Variants in MYLK observed in about 807,000 individuals in gnomAD.
The protein encoded by MYLK is myosin light chain kinase, smooth muscle.
In MYLK, 106 loss-of-function variants were observed where a neutral mutation model predicts 203.4. That is an observed-to-expected ratio of 0.52 (90% CI 0.45 to 0.61). MYLK has a LOEUF of 0.61. MYLK is among the 20% of genes least tolerant of loss of function. The probability of loss-of-function intolerance (pLI) is 0.00; values close to 1 mark genes in which losing one functional copy is unlikely to be tolerated. For synonymous variants in MYLK, 867 were observed against 959.5 expected (o/e 0.90, Z 1.78); for missense variants, 2,072 against 2,442.3 (o/e 0.85, Z 3.20).
At chr3:123,857,954 C>T (rs1429215835) in intron 2 of MYLK, among the ~76,000 whole-genome samples, 1 of 152,164 alleles carries the variant, frequency 6.6e-6, no homozygotes, top group South Asian at 2.1e-4. Flanking sequence ...CACTTCAACC[C>T]TCCCACTTGC....
chr3:123,622,035 G>A (rs1314272834), intron 31 of MYLK: 2 of 152,082 alleles, frequency 1.3e-5, no homozygotes, highest in South Asian at 4.1e-4. Flanking sequence ...TAGACAAAGT[G>A]TAGAGAGAGA....
rs1454474678 is a variant in MYLK, at chr3:123,637,357, C to T, written c.4961+714G>A. 8.5e-5 allele frequency among the ~76,000 whole-genome samples: 13 copies of T among 152,212 alleles called. No homozygotes were observed. In the South Asian group the frequency reaches 1.0e-3, roughly 12 times the overall value. ...TAGAGCCTGTTAGAAATGTGGCATT[C>T]CAGGTCACCCAGACCTGAACAAAAA... is the stretch of plus-strand genomic sequence containing the variant. On this transcript the variant is annotated intron_variant, in intron 29 of 33. Transcript: ENST00000360304.
intron 2 of MYLK, among the ~76,000 whole-genome samples, chr3:123,860,932 C>T (rs1359980320): frequency 1.3e-5 from 2 of 152,048 alleles, no homozygotes; most frequent in Non-Finnish European, 2.9e-5. Context: ...AGATTGAGAC[C>T]ATCCTGGCTA....
At chr3:123,753,786 G>T (rs980034618) in intron 4 of MYLK, among the ~76,000 whole-genome samples, 5 of 152,202 alleles carry the variant, frequency 3.3e-5, no homozygotes, top group Non-Finnish European at 7.3e-5. Context: ...GCACTGGAAA[G>T]TAGAAGGCAT....
intron 15 of MYLK, 138 bp from the exon 16 acceptor site, chr3:123,708,141 A>C (rs1351093523): frequency 8.1e-7 from 1 of 1,236,238 alleles, no homozygotes; most frequent in African/African-American, 1.5e-5. Context: ...CTGTGATTGG[A>C]TACACAAATG....
chr3:123,651,567 G>A (rs1356120594), intron 24 of MYLK, among the ~76,000 whole-genome samples: 3 of 152,052 alleles, frequency 2.0e-5, no homozygotes, highest in South Asian at 2.1e-4. Context: ...ACATTTTCCC[G>A]GCGTGGCATG....
At chr3:123,654,141 C>T (rs1458284976) in intron 24 of MYLK, among the ~76,000 whole-genome samples, 3 of 152,104 alleles carry the variant, frequency 2.0e-5, no homozygotes, top group Non-Finnish European at 2.9e-5. Flanking sequence ...ATCACGTCTC[C>T]GTGACTTGCA....
intron 2 of MYLK, among the ~76,000 whole-genome samples, chr3:123,842,334 C>T (rs977678675): frequency 6.6e-6 from 1 of 152,080 alleles, no homozygotes; most frequent in Non-Finnish European, 1.5e-5. Flanking sequence ...GAGAATACCC[C>T]TGGCATCATC....
intron 2 of MYLK, among the ~76,000 whole-genome samples, chr3:123,850,413 T>C (rs529353454): frequency 8.5e-5 from 13 of 152,308 alleles, no homozygotes; most frequent in African/African-American, 2.9e-4. Context: ...CTGTTGTTTC[T>C]TGACTTTTTA....
chr3:123,662,790 G>A (rs773074852), intron 23 of MYLK, among the ~76,000 whole-genome samples: 7 of 152,182 alleles, frequency 4.6e-5, no homozygotes, highest in Non-Finnish European at 1.0e-4. Flanking sequence ...ACAGCTGAGA[G>A]TTTTGTGCAC....
intron 31 of MYLK, among the ~76,000 whole-genome samples, chr3:123,626,438 T>C (rs2058152029): frequency 6.6e-6 from 1 of 152,216 alleles, no homozygotes; most frequent in Non-Finnish European, 1.5e-5. Flanking sequence ...CATAAAGAAA[T>C]GTGAAACCAC....
At chr3:123,796,118 C>T (rs1406331587) in intron 3 of MYLK, among the ~76,000 whole-genome samples, 1 of 152,124 alleles carries the variant, frequency 6.6e-6, no homozygotes, top group Non-Finnish European at 1.5e-5. Flanking sequence ...CAGTAGGTAG[C>T]AATAAAAGCA....
chr3:123,786,613 A>G (rs1038748473), intron 4 of MYLK, among the ~76,000 whole-genome samples: 1 of 151,958 alleles, frequency 6.6e-6, no homozygotes, highest in East Asian at 1.9e-4. Context: ...GGGTACCTAT[A>G]GTCAATAATA....
chr3:123,743,509 G>C (rs2062923108), intron 5 of MYLK, among the ~76,000 whole-genome samples: 1 of 152,122 alleles, frequency 6.6e-6, no homozygotes, highest in South Asian at 2.1e-4. Flanking sequence ...TTTTGTAAAA[G>C]TATGAAAATC....
At chr3:123,667,430 CATCTCT>C (rs1360355703) in intron 20 of MYLK, among the ~76,000 whole-genome samples, 71 of 151,970 alleles carry the variant, frequency 4.7e-4, no homozygotes, top group Non-Finnish European at 8.5e-4. Context: ...GGTGAAACCC[CATCTCT>C]ACTAAAAATA....
intron 7 of MYLK, 120 bp from the exon 8 acceptor site, chr3:123,737,663 CT>C: frequency 1.5e-6 from 2 of 1,313,896 alleles, no homozygotes; most frequent in Non-Finnish European, 2.2e-6. Flanking sequence ...GCGTCCTCTG[CT>C]GTGGGCCCTG....
intron 5 of MYLK, among the ~76,000 whole-genome samples, chr3:123,744,886 A>G (rs995031224): frequency 1.3e-5 from 2 of 152,234 alleles, no homozygotes; most frequent in African/African-American, 4.8e-5. Flanking sequence ...CATTAACTTA[A>G]TACTATTTGC....
At chr3:123,749,275 C>A (rs563333434) in intron 5 of MYLK, among the ~76,000 whole-genome samples, 1 of 148,834 alleles carries the variant, frequency 6.7e-6, no homozygotes, top group African/African-American at 2.5e-5. Context: ...CAAGACCTAG[C>A]CTCAAAAAAA....
chr3:123,727,222 G>A (rs747748302), intron 11 of MYLK, among the ~76,000 whole-genome samples: 5 of 152,170 alleles, frequency 3.3e-5, no homozygotes, highest in East Asian at 1.9e-4. Context: ...GGAGGGCAGC[G>A]ACAAGACAGA....
Sources: allele counts gnomAD v4.1 joint callset (sites outside exome capture counted in the v4.1 genomes callset), GRCh38; gene constraint gnomAD v4.1.1; transcripts MANE v1.5; gene names NCBI Gene and HGNC (gene_info 2026-07-23, HGNC 2026-07-21).